The following DDR2 variants were observed in gnomAD, a reference collection of about 807,000 sequenced individuals.
DDR2 encodes discoidin domain-containing receptor 2.
A neutral mutation model predicts 94.9 loss-of-function variants in DDR2; 27 were observed. The observed-to-expected ratio is 0.28, with a 90% CI of 0.21 to 0.39. The LOEUF (loss-of-function observed/expected upper bound fraction) is 0.39, where lower values mean the gene tolerates loss of function less well. Among genes scored for constraint, DDR2 ranks in the 10% least tolerant of loss-of-function variants. DDR2 has a pLI of 1.00. For missense variants in DDR2, 783 were observed against 1,076.0 expected, an observed-to-expected ratio of 0.73 and a Z score of 3.81; for synonymous variants, 382 against 377.2, an observed-to-expected ratio of 1.01 and a Z score of -0.15.
In DDR2 at chr1:162,644,840, C is replaced by G. The variant is rs952732425; in HGVS notation, c.-191-10371C>G. Among the ~76,000 whole-genome samples, 3 of 152,146 alleles carry G rather than the reference C, an allele frequency of 2.0e-5. 1 individual carries two copies. The highest frequency in any genetic ancestry group is 6.6e-5 in the Admixed American group (1 of 15,264). On this transcript the variant is annotated intron_variant, in intron 1 of 17. Coordinates refer to ENST00000367921, the MANE Select transcript of DDR2 (RefSeq NM_006182.4). ...CGAACTCCTGACCTCAGGTTATCTG[C>G]CCACCTCAGCCTCCCAAAGTGCTGG...
At chr1:162,651,803 C>T (rs938206100) in intron 1 of DDR2, among the ~76,000 whole-genome samples, 2 of 152,150 alleles carry the variant, frequency 1.3e-5, no homozygotes, top group Admixed American at 6.5e-5. Context: ...AAAAATGAGT[C>T]GAATCTTGGT....
At chr1:162,730,664 A>T (rs1024069912) in intron 3 of DDR2, among the ~76,000 whole-genome samples, 1 of 152,156 alleles carries the variant, frequency 6.6e-6, no homozygotes, top group African/African-American at 2.4e-5. Context: ...AGCTGGTAGG[A>T]TGTAAGCCTG....
At chr1:162,647,723 G>A (rs1205065159) in intron 1 of DDR2, among the ~76,000 whole-genome samples, 1 of 152,118 alleles carries the variant, frequency 6.6e-6, no homozygotes, top group Non-Finnish European at 1.5e-5. Context: ...CTGTTATAGC[G>A]CTGGTGGGAA....
intron 2 of DDR2, among the ~76,000 whole-genome samples, chr1:162,716,115 C>T (rs1285620488): frequency 6.6e-6 from 1 of 151,964 alleles, no homozygotes; most frequent in East Asian, 1.9e-4. Flanking sequence ...GTGAAGGATC[C>T]AGTAGAGTTA....
chr1:162,669,006 T>A (rs549868144), intron 2 of DDR2, among the ~76,000 whole-genome samples: 1 of 152,206 alleles, frequency 6.6e-6, no homozygotes, highest in Admixed American at 6.5e-5. Flanking sequence ...CTGACATGAT[T>A]TAAATACCTA....
At chr1:162,705,317 A>T (rs1014739394) in intron 2 of DDR2, among the ~76,000 whole-genome samples, 4 of 152,198 alleles carry the variant, frequency 2.6e-5, no homozygotes, top group African/African-American at 9.7e-5. Flanking sequence ...GCTACGAGCC[A>T]ATGGATCCCT....
At chr1:162,729,621 A>ATTACAGTGC (rs796098286) in intron 3 of DDR2, among the ~76,000 whole-genome samples, 261 of 151,018 alleles carry the variant, frequency 1.7e-3, no homozygotes, top group African/African-American at 5.8e-3. Flanking sequence ...ACCAGCACCT[A>ATTACAGTGC]TTACAGTGCT....
chr1:162,659,374 G>T (rs1383729791), intron 2 of DDR2, among the ~76,000 whole-genome samples: 1 of 152,158 alleles, frequency 6.6e-6, no homozygotes, highest in Non-Finnish European at 1.5e-5. Flanking sequence ...CAGAAGGAAA[G>T]ATGTGGGTCA....
chr1:162,706,219 A>C (rs1660655447), intron 2 of DDR2, among the ~76,000 whole-genome samples: 1 of 152,216 alleles, frequency 6.6e-6, no homozygotes, highest in South Asian at 2.1e-4. Context: ...CAGAGCCCTC[A>C]GGCCATCCAC....
chr1:162,762,898 G>A lies in DDR2; in HGVS notation c.1099+1444G>A, dbSNP rs370541138. ...GTCACCCAGGCTGGAATGCAGTGGT[G>A]TGATCTTGGCTCACTGCAACCCCCG... On this transcript the variant is annotated intron_variant, in intron 9 of 17. Coordinates refer to ENST00000367921, the MANE Select transcript of DDR2 (RefSeq NM_006182.4). Among the ~76,000 whole-genome samples, 78 of 152,286 alleles carry A rather than the reference G, an allele frequency of 5.1e-4. 1 individual carries two copies. Among genetic ancestry groups the A allele is most frequent in the African/African-American group, 1.8e-3 (76 of 41,548 alleles).
chr1:162,650,788 C>T (rs1002171218), intron 1 of DDR2, among the ~76,000 whole-genome samples: 1 of 151,884 alleles, frequency 6.6e-6, no homozygotes, highest in East Asian at 1.9e-4. Context: ...TGCAGTGGCT[C>T]GATCTCAGCT....
intron 2 of DDR2, among the ~76,000 whole-genome samples, chr1:162,659,036 A>T (rs1350792479): frequency 6.6e-6 from 1 of 152,132 alleles, no homozygotes; most frequent in Non-Finnish European, 1.5e-5. Context: ...CATGGGATTC[A>T]TAAACTGTGG....
intron 2 of DDR2, among the ~76,000 whole-genome samples, chr1:162,673,608 T>TGA (rs10684469): frequency 0.16 from 18,961 of 116,910 alleles, 1,355 homozygotes; most frequent in East Asian, 0.25. Flanking sequence ...TGTGTGTGTG[T>TGA]GAGAGAGAGA....
chr1:162,782,936 A>G lies in DDR2; in HGVS notation c.*2690A>G, dbSNP rs1447829620. On this transcript the variant is annotated 3_prime_UTR_variant, in exon 18 of 18. Coordinates refer to ENST00000367921, the MANE Select transcript of DDR2 (RefSeq NM_006182.4). ...AACTTTGTATTACAGACACAGGTTT[A>G]GTTTCTAGCTTAGTCATGCCTTTAG... 6.6e-6 allele frequency: 1 copy of G among 152,170 alleles called. No homozygotes were observed. The highest frequency in any genetic ancestry group is 1.9e-4 in the East Asian group (1 of 5,190). The allele number at this position is 152,170 out of a possible 1,614,324, so 9.4% of individuals were successfully genotyped here.
At chr1:162,768,531 C>G (rs533679739) in intron 11 of DDR2, among the ~76,000 whole-genome samples, 1 of 152,202 alleles carries the variant, frequency 6.6e-6, no homozygotes, top group South Asian at 2.1e-4. Context: ...ACCTCTATTC[C>G]AGAGGAGAGG....
intron 11 of DDR2, 113 bp downstream of exon 11, chr1:162,767,472 A>G: frequency 6.9e-7 from 1 of 1,447,604 alleles, no homozygotes; most frequent in Non-Finnish European, 9.4e-7. Flanking sequence ...GTTGGAATTA[A>G]CTGAGGCTAC....
intron 2 of DDR2, among the ~76,000 whole-genome samples, chr1:162,718,278 C>T (rs889351370): frequency 1.3e-5 from 2 of 152,092 alleles, no homozygotes; most frequent in African/African-American, 2.4e-5. Context: ...CAGAATCAGC[C>T]ATTTTTCTGA....
intron 3 of DDR2, among the ~76,000 whole-genome samples, chr1:162,719,932 C>T (rs1354780759): frequency 6.6e-6 from 1 of 152,016 alleles, no homozygotes; most frequent in African/African-American, 2.4e-5. Flanking sequence ...GTTTCATCCT[C>T]CTGCAGACTA....
intron 11 of DDR2, among the ~76,000 whole-genome samples, chr1:162,767,807 G>GGTGTGTGTGTTT (rs34949546): frequency 0.079 from 11,828 of 148,832 alleles, 663 homozygotes; most frequent in African/African-American, 0.15. Context: ...TTGTCTGTTT[G>GGTGTGTGTGTTT]GTGTGTGTGT....
Sources: allele counts gnomAD v4.1 joint callset (sites outside exome capture counted in the v4.1 genomes callset), GRCh38; gene constraint gnomAD v4.1.1; transcripts MANE v1.5; gene names NCBI Gene and HGNC (gene_info 2026-07-23, HGNC 2026-07-21).